GPR89A: variants seen among roughly 807,000 people sequenced by gnomAD.
GPR89A encodes the protein G protein-coupled receptor 89A.
In GPR89A, 16 loss-of-function variants were observed where a neutral mutation model predicts 52.0. The observed-to-expected ratio is 0.31, with a 90% CI of 0.21 to 0.47. The LOEUF is 0.47. Ranked by LOEUF, GPR89A falls within the 20% of genes least tolerant of loss-of-function variation. The probability of loss-of-function intolerance (pLI) is 1.00; values close to 1 mark genes in which losing one functional copy is unlikely to be tolerated. For synonymous variants in GPR89A, 55 were observed against 150.9 expected, an observed-to-expected ratio of 0.36 and a Z score of 4.66; for missense variants, 135 against 449.4, an observed-to-expected ratio of 0.30 and a Z score of 6.33.
At chr1:145,636,745 A>G (rs1465551911) in intron 7 of GPR89A, among the ~76,000 whole-genome samples, 2 of 152,082 alleles carry the variant, frequency 1.3e-5, no homozygotes, top group African/African-American at 4.8e-5. Flanking sequence ...AAAATATTAA[A>G]AGCAAGTATT....
chr1:145,608,034 A>G lies in GPR89A; in HGVS notation c.-100A>G. 1 of 1,433,296 alleles carries G rather than the reference A, an allele frequency of 7.0e-7. No individual in the cohort carries two copies. The highest frequency in any genetic ancestry group is 9.7e-7 in the Non-Finnish European group (1 of 1,032,062). The allele number at this position is 1,433,296 out of a possible 1,614,324, so 88.8% of individuals were successfully genotyped here. On this transcript the variant is annotated 5_prime_UTR_variant, in exon 1 of 14. Transcript: ENST00000313835. ...GGAGAGCCGCAGTCCCGGCTGCAGC[A>G]CCTGGGAGAAGGCAGACCGTGTGAG...
chr1:145,669,623 A>G lies in GPR89A; in HGVS notation c.1096-2A>G. The G allele has an allele frequency of 6.2e-7, 1 of 1,611,068 alleles. No homozygotes were observed. Among genetic ancestry groups the G allele is most frequent in the Non-Finnish European group, 8.5e-7 (1 of 1,179,550 alleles). ...TAAATTCATCTCCCTCTTTCTTGAC[A>G]GTTCTTTTATGCCATCTCTAGCAGT... On this transcript the variant is annotated splice_acceptor_variant, in intron 12 of 13. Coordinates refer to ENST00000313835, the MANE Select transcript of GPR89A (RefSeq NM_001097612.2). LOFTEE classifies it high-confidence loss of function.
intron 1 of GPR89A, among the ~76,000 whole-genome samples, chr1:145,610,044 A>G (rs1326137907): frequency 6.6e-6 from 1 of 151,776 alleles, no homozygotes; most frequent in Non-Finnish European, 1.5e-5. Context: ...TGTGTTTGTT[A>G]TCTGTCCATG....
At chr1:145,642,845 T>A (rs587697829) in intron 7 of GPR89A, among the ~76,000 whole-genome samples, 2 of 151,636 alleles carry the variant, frequency 1.3e-5, no homozygotes, top group East Asian at 3.9e-4. Context: ...TTTATTTTGA[T>A]CCTCACTAGG....
chr1:145,655,023 G>A (rs1553694278), intron 10 of GPR89A, among the ~76,000 whole-genome samples: 2 of 148,674 alleles, frequency 1.3e-5, no homozygotes, highest in African/African-American at 5.0e-5. Context: ...CACCTTGTCT[G>A]CCTGTCTTAT....
In GPR89A at chr1:145,669,663, C is replaced by T; in HGVS notation, c.1134C>T (p.Val378=). Residue 378 remains valine (V), a synonymous_variant, in exon 13 of 14, where the codon GTC becomes GTT. Transcript: ENST00000313835. ...TCTCTAGCAGTAAGTCCTCCAATGTCATTGTCCTGCTATTAGCACAGATAA... is the reference window on the plus strand; with the variant it reads ...TCTCTAGCAGTAAGTCCTCCAATGTTATTGTCCTGCTATTAGCACAGATAA... The part of the protein sequence containing the change: ...YAISSSKSSN[V]IVLLLAQIMG... 1 of 1,611,518 alleles carries T rather than the reference C, an allele frequency of 6.2e-7. No homozygotes were observed. The highest frequency in any genetic ancestry group is 8.5e-7 in the Non-Finnish European group (1 of 1,179,600).
intron 7 of GPR89A, among the ~76,000 whole-genome samples, chr1:145,640,136 T>G (rs1451036225): frequency 1.3e-5 from 2 of 149,996 alleles, no homozygotes; most frequent in Admixed American, 6.7e-5. Flanking sequence ...GGAGAATTGC[T>G]GAACCCAGGA....
chr1:145,670,181 T>G lies in GPR89A; in HGVS notation c.*141T>G, dbSNP rs1553697274. 1 of 1,585,892 alleles carries G rather than the reference T, an allele frequency of 6.3e-7. No individual in the cohort carries two copies. The highest frequency in any genetic ancestry group is 8.6e-7 in the Non-Finnish European group (1 of 1,167,406). On this transcript the variant is annotated 3_prime_UTR_variant, in exon 14 of 14. Transcript: ENST00000313835. ...ATTTTTCACCTTCATAGCATACTCC[T>G]TCCCCGTCAGGTGATACTATGACCA... is the stretch of plus-strand genomic sequence containing the variant.
chr1:145,637,538 A>G (rs1230738747), intron 7 of GPR89A, among the ~76,000 whole-genome samples: 2 of 152,036 alleles, frequency 1.3e-5, no homozygotes, highest in Non-Finnish European at 2.9e-5. Flanking sequence ...AACAGATTCC[A>G]AAGTCACTAC....
At chr1:145,640,668 C>A in intron 7 of GPR89A, among the ~76,000 whole-genome samples, 1 of 29,334 alleles carries the variant, frequency 3.4e-5, no homozygotes, top group Admixed American at 4.8e-4. Context: ...GTACTCTAGC[C>A]TGGGTGACAG....
chr1:145,612,007 C>A (rs1340027788), intron 1 of GPR89A, among the ~76,000 whole-genome samples: 2 of 151,990 alleles, frequency 1.3e-5, no homozygotes, highest in Admixed American at 6.6e-5. Context: ...ACTACTAATA[C>A]AGAGGCCTGA....
At chr1:145,652,384 T>C (rs1553693655) in intron 10 of GPR89A, among the ~76,000 whole-genome samples, 1 of 151,688 alleles carries the variant, frequency 6.6e-6, no homozygotes, top group African/African-American at 2.4e-5. Flanking sequence ...GATGTGCTGC[T>C]GGATTTGGTT....
chr1:145,622,171 G>A (rs1553688247), intron 3 of GPR89A, among the ~76,000 whole-genome samples: 1 of 151,922 alleles, frequency 6.6e-6, no homozygotes, highest in East Asian at 1.9e-4. Context: ...CAACCCAAAT[G>A]TCCTCAATTA....
At chr1:145,612,361 G>A (rs1319366809) in intron 1 of GPR89A, 6 of 152,006 alleles carry the variant, frequency 3.9e-5, no homozygotes, top group African/African-American at 7.3e-5. Context: ...CCCCTACTCC[G>A]GTTTAAAGCC....
chr1:145,609,114 CT>C (rs1176987610), intron 1 of GPR89A, among the ~76,000 whole-genome samples: 1 of 152,202 alleles, frequency 6.6e-6, no homozygotes, highest in Admixed American at 6.5e-5. Context: ...TGTTGACCTT[CT>C]TCCCCCCATC....
chr1:145,647,598 G>A (rs1353289402), intron 10 of GPR89A, among the ~76,000 whole-genome samples: 2 of 151,710 alleles, frequency 1.3e-5, no homozygotes, highest in East Asian at 1.9e-4. Context: ...GAGGTCAGGA[G>A]TTCGAGAACA....
At chr1:145,617,729 G>A (rs1648823841) in intron 2 of GPR89A, among the ~76,000 whole-genome samples, 1 of 152,006 alleles carries the variant, frequency 6.6e-6, no homozygotes, top group Non-Finnish European at 1.5e-5. Context: ...GGCTGGTGTT[G>A]TTTTTATCTT....
Position 145,615,835 on chromosome 1 carries a change from G to A in GPR89A, c.43-399G>A, listed in dbSNP as rs1275679347. Among the ~76,000 whole-genome samples, 15 of 152,008 alleles carry A rather than the reference G, an allele frequency of 9.9e-5. No individual in the cohort carries two copies. The East Asian group carries it at 2.5e-3, about 25-fold the overall frequency. On this transcript the variant is annotated intron_variant, in intron 1 of 13. Transcript: ENST00000313835. ...GAGCTTTGCCATGTTGGCCAGACTGGTCTTGAACTCCTGGCTTCAGGTGAT... is the reference window on the plus strand; with the variant it reads ...GAGCTTTGCCATGTTGGCCAGACTGATCTTGAACTCCTGGCTTCAGGTGAT...
At chr1:145,621,669 A>G in intron 3 of GPR89A, among the ~76,000 whole-genome samples, 1 of 151,658 alleles carries the variant, frequency 6.6e-6, no homozygotes, top group Non-Finnish European at 1.5e-5. Flanking sequence ...ATTTTTATAA[A>G]TTACCTATCT....
Sources: gnomAD v4.1 joint callset for allele counts (sites outside exome capture counted in the v4.1 genomes callset) on GRCh38, gnomAD v4.1.1 for gene constraint, MANE v1.5 for transcripts, NCBI Gene and HGNC (gene_info 2026-07-23, HGNC 2026-07-21) for gene names.